EIF2B3: variants seen among roughly 807,000 people sequenced by gnomAD.
The protein encoded by EIF2B3 is translation initiation factor eIF2B subunit gamma.
In EIF2B3, 20 loss-of-function variants were observed where a neutral mutation model predicts 54.1. The ratio of observed to expected loss-of-function variants is 0.37; its 90% CI spans 0.26 to 0.54. The LOEUF (loss-of-function observed/expected upper bound fraction) is 0.54. Among genes scored for constraint, EIF2B3 ranks in the 20% least tolerant of loss-of-function variants. EIF2B3 has a pLI of 0.86. For missense variants in EIF2B3, 448 were observed against 547.8 expected (o/e 0.82, Z 1.82); for synonymous variants, 153 against 188.1 (o/e 0.81, Z 1.52).
chr1:44,965,673 TC>T (rs1202348185), intron 3 of EIF2B3, among the ~76,000 whole-genome samples: 1 of 130,290 alleles, frequency 7.7e-6, no homozygotes, highest in Non-Finnish European at 1.6e-5. Context: ...GGAGTCTCAC[TC>T]TGTGGCCCAG....
In EIF2B3 at chr1:44,953,263, A is replaced by G. The variant is rs1281405455; in HGVS notation, c.295-11598T>C. 2.0e-5 allele frequency among the ~76,000 whole-genome samples: 3 copies of G among 148,952 alleles called. No individual in the cohort carries two copies. The East Asian group carries it at 5.8e-4, about 29-fold the overall frequency. The stretch of plus-strand genomic sequence containing the variant: ...GTATGAAATTTTTCATTGAAAAAAA[A>G]GAAAAAAAAAAGAACCAGCCTCACT... On this transcript the variant is annotated intron_variant, in intron 3 of 11. Transcript: ENST00000360403.
At chr1:44,973,944 A>G (rs1300412829) in intron 3 of EIF2B3, among the ~76,000 whole-genome samples, 1 of 152,088 alleles carries the variant, frequency 6.6e-6, no homozygotes, top group African/African-American at 2.4e-5. Flanking sequence ...CTTGACCCAA[A>G]TTTTCTTCTC....
At chr1:44,982,532 A>C (rs1644525869) in intron 1 of EIF2B3, among the ~76,000 whole-genome samples, 1 of 152,284 alleles carries the variant, frequency 6.6e-6, no homozygotes, top group Middle Eastern at 3.4e-3. Context: ...TCCTGACCTC[A>C]GGTGATCCAC....
At chr1:44,964,633 C>T (rs1346273100) in intron 3 of EIF2B3, among the ~76,000 whole-genome samples, 1 of 152,172 alleles carries the variant, frequency 6.6e-6, no homozygotes, top group Non-Finnish European at 1.5e-5. Context: ...ATAGTCCTTT[C>T]TCTACATCAA....
At chr1:44,893,972 T>A (rs927038533) in intron 6 of EIF2B3, among the ~76,000 whole-genome samples, 2 of 152,208 alleles carry the variant, frequency 1.3e-5, no homozygotes, top group African/African-American at 4.8e-5. Flanking sequence ...TATTGGCATA[T>A]TGCTTGAGTC....
At chr1:44,895,701 G>A (rs192612412) in intron 6 of EIF2B3, among the ~76,000 whole-genome samples, 100 of 152,234 alleles carry the variant, frequency 6.6e-4, no homozygotes, top group Admixed American at 1.1e-3. Flanking sequence ...ACAATTTAGG[G>A]TAATGGGGGG....
At chr1:44,924,426 C>G (rs181322132) in intron 5 of EIF2B3, among the ~76,000 whole-genome samples, 1 of 151,352 alleles carries the variant, frequency 6.6e-6, no homozygotes, top group African/African-American at 2.4e-5. Flanking sequence ...TTTTTGAGAC[C>G]GAGTCTCACT....
chr1:44,902,580 G>C (rs575601715), intron 5 of EIF2B3, among the ~76,000 whole-genome samples: 99 of 152,200 alleles, frequency 6.5e-4, no homozygotes, highest in Non-Finnish European at 1.3e-3. Context: ...CCAACACTTT[G>C]GGATGCCAGT....
chr1:44,950,653 A>G (rs1335466541), intron 3 of EIF2B3, among the ~76,000 whole-genome samples: 1 of 152,172 alleles, frequency 6.6e-6, no homozygotes, highest in Admixed American at 6.6e-5. Flanking sequence ...TTTAAATGAT[A>G]TATACATATA....
At chr1:44,867,116 C>CA in intron 10 of EIF2B3, among the ~76,000 whole-genome samples, 1 of 152,084 alleles carries the variant, frequency 6.6e-6, no homozygotes, top group Non-Finnish European at 1.5e-5. Context: ...TTGCTAACTG[C>CA]AAAAAGCATG....
intron 3 of EIF2B3, among the ~76,000 whole-genome samples, chr1:44,950,770 C>T (rs1644152435): frequency 6.6e-6 from 1 of 152,110 alleles, no homozygotes; most frequent in Admixed American, 6.5e-5. Flanking sequence ...CTCACTGCAA[C>T]CTCCACCTCT....
At chr1:44,950,044 AT>A (rs774320758) in intron 3 of EIF2B3, among the ~76,000 whole-genome samples, 1 of 152,064 alleles carries the variant, frequency 6.6e-6, no homozygotes, top group Non-Finnish European at 1.5e-5. Flanking sequence ...AAAACAAGAG[AT>A]TTTTTTTGTT....
intron 5 of EIF2B3, among the ~76,000 whole-genome samples, chr1:44,912,997 C>G (rs2148923429): frequency 6.6e-6 from 1 of 150,982 alleles, no homozygotes; most frequent in South Asian, 2.1e-4. Context: ...TCCTTGCTTT[C>G]AGAATCATTG....
chr1:44,902,996 CA>C lies in EIF2B3; in HGVS notation c.567-5553del, dbSNP rs780743344. On this transcript the variant is annotated intron_variant, in intron 5 of 11. Coordinates refer to ENST00000360403, the MANE Select transcript of EIF2B3 (RefSeq NM_020365.5). ...AATATTAACAACACATACTGTATGT[CA>C]GGGGCAAAGCTTTAGGATTTCTAGG... 2.6e-5 allele frequency among the ~76,000 whole-genome samples: 4 copies of C among 152,200 alleles called. No individual in the cohort carries two copies. The East Asian group carries it at 7.7e-4, about 29-fold the overall frequency.
chr1:44,955,072 G>A lies in EIF2B3; in HGVS notation c.295-13407C>T, dbSNP rs12043116. ...AGTCTTGCATCCCAGGGATGAAGCC[G>A]ACTTGATTGTGGTGGCTGGAGGCAT... is the stretch of plus-strand genomic sequence containing the variant. On this transcript the variant is annotated intron_variant, in intron 3 of 11. Coordinates refer to ENST00000360403, the MANE Select transcript of EIF2B3 (RefSeq NM_020365.5). Among the ~76,000 whole-genome samples the A allele has an allele frequency of 8.5e-5, 13 of 152,178 alleles. No homozygotes were observed. The East Asian group carries it at 1.5e-3, about 18-fold the overall frequency.
At chr1:44,973,906 A>C (rs1644427638) in intron 3 of EIF2B3, among the ~76,000 whole-genome samples, 1 of 152,122 alleles carries the variant, frequency 6.6e-6, no homozygotes, top group Non-Finnish European at 1.5e-5. Context: ...CAACATTATA[A>C]ATGTGCTTAA....
chr1:44,986,189 G>A (rs1644575285), intron 1 of EIF2B3, among the ~76,000 whole-genome samples: 1 of 150,378 alleles, frequency 6.6e-6, no homozygotes. Context: ...GCCCAGGCTG[G>A]AGTGCAGTGG....
At chr1:44,901,855 C>T (rs557981818) in intron 5 of EIF2B3, among the ~76,000 whole-genome samples, 12 of 152,176 alleles carry the variant, frequency 7.9e-5, no homozygotes, top group Admixed American at 2.0e-4. Flanking sequence ...CCACTGCACC[C>T]GGCCCTCATT....
chr1:44,915,770 T>C (rs1338750719), intron 5 of EIF2B3, among the ~76,000 whole-genome samples: 1 of 152,136 alleles, frequency 6.6e-6, no homozygotes, highest in Non-Finnish European at 1.5e-5. Context: ...AAAAATTTTA[T>C]TTTTAATATA....
Sources: allele counts gnomAD v4.1 joint callset (sites outside exome capture counted in the v4.1 genomes callset), GRCh38; gene constraint gnomAD v4.1.1; transcripts MANE v1.5; gene names NCBI Gene and HGNC (gene_info 2026-07-23, HGNC 2026-07-21).